HCN2: variants seen among roughly 807,000 people sequenced by gnomAD.
HCN2 encodes the protein hyperpolarization activated cyclic nucleotide gated potassium and sodium channel 2.
In HCN2, 20 loss-of-function variants were observed where a neutral mutation model predicts 52.3. The ratio of observed to expected loss-of-function variants is 0.38; its 90% CI spans 0.27 to 0.56. HCN2 has a LOEUF of 0.56. Ranked by LOEUF, HCN2 falls within the 20% of genes least tolerant of loss-of-function variation. HCN2 has a pLI of 0.71. For synonymous variants in HCN2, 694 were observed against 537.0 expected (o/e 1.29, Z -4.04); for missense variants, 981 against 1,207.7 (o/e 0.81, Z 2.78).
intron 1 of HCN2, among the ~76,000 whole-genome samples, chr19:598,754 A>G (rs1405474800): frequency 1.3e-5 from 2 of 152,164 alleles, no homozygotes; most frequent in African/African-American, 4.8e-5. Flanking sequence ...GGCGCCCGCC[A>G]CCTCACACAA....
chr19:615,818 C>T lies in HCN2; in HGVS notation c.2014C>T (p.His672Tyr). Residue 672 changes from histidine to tyrosine, a missense_variant, in exon 8 of 8, where the codon CAC (histidine) becomes TAC (tyrosine). His to Tyr is a moderately conservative substitution (Grantham distance 83). Around this residue, in one of 6 missense-constraint regions of HCN2, gnomAD observed 368 missense variants for 314.8 expected, o/e 1.17. Coordinates refer to ENST00000251287, the MANE Select transcript of HCN2 (RefSeq NM_001194.4). ...RIGKKNSILL[H>Y]KVQHDLNSGV... is the part of the protein sequence containing the mutation. ...AGGCAAGAAGAATTCCATCCTCCTG[C>T]ACAAGGTGCAGCATGACCTCAACTC... The T allele has an allele frequency of 1.2e-6, 2 of 1,612,248 alleles. No homozygotes were observed. Among genetic ancestry groups the T allele is most frequent in the Non-Finnish European group, 1.7e-6 (2 of 1,179,654 alleles).
chr19:610,685 G>C (rs2144526761), intron 5 of HCN2, among the ~76,000 whole-genome samples: 1 of 152,336 alleles, frequency 6.6e-6, no homozygotes, highest in East Asian at 1.9e-4. Context: ...GGGGTGGGGA[G>C]GGAGGAGCCG....
At chr19:604,007 G>C (rs763232737) in intron 2 of HCN2, 40 bp downstream of exon 2, 1 of 1,441,624 alleles carries the variant, frequency 6.9e-7, no homozygotes, top group East Asian at 2.4e-5. Context: ...AGCAGGGGCG[G>C]GGCTATAATG....
intron 4 of HCN2, among the ~76,000 whole-genome samples, chr19:609,941 T>C (rs72974118): frequency 0.098 from 14,855 of 152,280 alleles, 853 homozygotes; most frequent in Admixed American, 0.14. Flanking sequence ...GAATTCAACT[T>C]TGATTTAAAT....
At chr19:596,480 G>A (rs1983033807) in intron 1 of HCN2, among the ~76,000 whole-genome samples, 1 of 152,242 alleles carries the variant, frequency 6.6e-6, no homozygotes, top group South Asian at 2.1e-4. Context: ...TGCCTGCGAG[G>A]GCCAAGCTGG....
At chr19:613,537 C>A (rs371488017) in intron 6 of HCN2, 49 bp downstream of exon 6, 4 of 1,135,512 alleles carry the variant, frequency 3.5e-6, no homozygotes, top group Non-Finnish European at 5.0e-6. Flanking sequence ...ACGCGACCCC[C>A]GCGGTGTGCA....
At position 596,389 on chromosome 19, in the gene HCN2, C is replaced by T. The variant is rs1177439614; in HGVS notation, c.632+5812C>T. 3.3e-5 allele frequency among the ~76,000 whole-genome samples: 5 copies of T among 152,118 alleles called. No homozygotes were observed. The South Asian group carries it at 1.0e-3, about 32-fold the overall frequency. On this transcript the variant is annotated intron_variant, in intron 1 of 7. Coordinates refer to ENST00000251287, the MANE Select transcript of HCN2 (RefSeq NM_001194.4). Reference sequence around the variant, plus strand: ...GAGGGGGTCCGAGGCTTCTTCCGGTCCCCCAGGTGTGAGAGCTGAGGCCGG... The same window carrying T: ...GAGGGGGTCCGAGGCTTCTTCCGGTTCCCCAGGTGTGAGAGCTGAGGCCGG...
intron 1 of HCN2, among the ~76,000 whole-genome samples, chr19:595,832 C>G (rs75950274): frequency 6.6e-6 from 1 of 152,240 alleles, no homozygotes; most frequent in African/African-American, 2.4e-5. Flanking sequence ...TCCCCCGGCC[C>G]GAGGCTCTCC....
In HCN2 at chr19:590,017, G is replaced by A; in HGVS notation, c.72G>A (p.Pro24=). The part of the protein sequence containing the change: ...PGATPAPGPP[P]PPPPAPPQQQ... The stretch of plus-strand genomic sequence containing the variant: ...CGACCCCCGCGCCGGGGCCGCCGCC[G>A]CCGCCGCCGCCCGCGCCCCCCCAAC... The change falls in exon 1 of 8, where the codon CCG becomes CCA. Residue 24 remains proline (P), a synonymous_variant. Coordinates refer to ENST00000251287, the MANE Select transcript of HCN2 (RefSeq NM_001194.4). The surrounding 1 kb of genome is among the most constrained non-coding windows in gnomAD (Gnocchi z 7.2). The A allele has an allele frequency of 3.4e-6, 2 of 594,928 alleles. No individual in the cohort carries two copies. The highest frequency in any genetic ancestry group is 4.1e-6 in the Non-Finnish European group (2 of 488,200). 36.9% of individuals were successfully genotyped at this position (594,928 alleles called of 1,614,324 possible).
chr19:591,082 G>C lies in HCN2; in HGVS notation c.632+505G>C, dbSNP rs1016085744. ...GCCTGGAAAGCGTGCGGGTCCCCAG[G>C]CTGTGTCCCCGGGAGCCGCTCCACC... On this transcript the variant is annotated intron_variant, in intron 1 of 7. Transcript: ENST00000251287. This position sits in a 1 kb window ranked among gnomAD's most constrained non-coding sequence, Gnocchi z 4.1. 3.9e-5 allele frequency: 6 copies of C among 152,014 alleles called. No individual in the cohort carries two copies. Among genetic ancestry groups the C allele is most frequent in the East Asian group, 3.9e-4 (2 of 5,110 alleles). The allele number at this position is 152,014 out of a possible 1,614,324, so 9.4% of individuals were successfully genotyped here.
chr19:609,446 C>T (rs547313028), intron 4 of HCN2, among the ~76,000 whole-genome samples: 1 of 152,324 alleles, frequency 6.6e-6, no homozygotes, highest in South Asian at 2.1e-4. Flanking sequence ...CCACCCATTC[C>T]TCAGGGATAG....
intron 1 of HCN2, among the ~76,000 whole-genome samples, chr19:594,024 C>T (rs948872420): frequency 1.3e-5 from 2 of 152,128 alleles, no homozygotes; most frequent in African/African-American, 2.4e-5. Context: ...CTTGGGAAAG[C>T]CTGAGTCGTG....
At chr19:602,501 T>G (rs1983239771) in intron 1 of HCN2, among the ~76,000 whole-genome samples, 2 of 152,180 alleles carry the variant, frequency 1.3e-5, no homozygotes, top group Non-Finnish European at 2.9e-5. Context: ...GTGGCCCCTG[T>G]GGAGGCTCCC....
At chr19:613,063 AG>A (rs1983714396) in intron 5 of HCN2, among the ~76,000 whole-genome samples, 184 bp from the exon 6 acceptor site, 1 of 152,146 alleles carries the variant, frequency 6.6e-6, no homozygotes. Flanking sequence ...CAAACGGCGA[AG>A]GGGCACTGAG....
At chr19:612,117 C>G (rs1035367655) in intron 5 of HCN2, among the ~76,000 whole-genome samples, 14 of 151,942 alleles carry the variant, frequency 9.2e-5, no homozygotes, top group Non-Finnish European at 1.8e-4. Context: ...TGCACTCCAG[C>G]CTGGACAACA....
At chr19:593,015 C>G (rs1460381340) in intron 1 of HCN2, among the ~76,000 whole-genome samples, 3 of 152,134 alleles carry the variant, frequency 2.0e-5, no homozygotes, top group Admixed American at 2.0e-4. Flanking sequence ...TTGCCAGTGT[C>G]TCAGCCTCAC....
At chr19:596,347 A>G (rs1389573225) in intron 1 of HCN2, among the ~76,000 whole-genome samples, 2 of 152,130 alleles carry the variant, frequency 1.3e-5, no homozygotes, top group East Asian at 3.9e-4. Flanking sequence ...GGCCCCACTG[A>G]AGCCACTCTG....
At chr19:606,230 A>G (rs1983424066) in intron 3 of HCN2, among the ~76,000 whole-genome samples, 2 of 152,038 alleles carry the variant, frequency 1.3e-5, no homozygotes, top group African/African-American at 4.8e-5. Context: ...CCTCCCGAGT[A>G]GCTGGGACTA....
chr19:597,839 T>G (rs1387136028), intron 1 of HCN2, among the ~76,000 whole-genome samples: 1 of 151,910 alleles, frequency 6.6e-6, no homozygotes, highest in Non-Finnish European at 1.5e-5. Flanking sequence ...GTCCTCCTGG[T>G]GGTTTCTAGG....
Sources: gnomAD v4.1 joint callset for allele counts (sites outside exome capture counted in the v4.1 genomes callset) on GRCh38, gnomAD v4.1.1 for gene constraint, gnomAD v4.1.1 regional missense constraint, Gnocchi (gnomAD v3.1) non-coding constraint, MANE v1.5 for transcripts, NCBI Gene and HGNC (gene_info 2026-07-23, HGNC 2026-07-21) for gene names.